TMEM170B: variants seen among roughly 807,000 people sequenced by gnomAD.
TMEM170B encodes the protein transmembrane protein 170B.
In TMEM170B, 6 loss-of-function variants were observed where a neutral mutation model predicts 13.0. That is an observed-to-expected ratio of 0.46 (90% confidence interval 0.25 to 0.91). The LOEUF is 0.91. Among genes scored for constraint, TMEM170B ranks in the 40% least tolerant of loss-of-function variants. TMEM170B has a pLI of 0.17. For missense variants in TMEM170B, 138 were observed against 165.2 expected (o/e 0.84, Z 0.90); for synonymous variants, 61 against 64.9 (o/e 0.94, Z 0.29).
At chr6:11,572,810 C>G (rs1350263729) in intron 2 of TMEM170B, among the ~76,000 whole-genome samples, 1 of 152,064 alleles carries the variant, frequency 6.6e-6, no homozygotes, top group African/African-American at 2.4e-5. Flanking sequence ...CATACATACA[C>G]ACATACATAT....
rs1386555002 is a variant in TMEM170B, at chr6:11,582,456, T to C, written c.*6895T>C. 2.0e-5 allele frequency: 3 copies of C among 152,230 alleles called. No homozygotes were observed. The highest frequency in any genetic ancestry group is 1.3e-4 in the Admixed American group (2 of 15,280). 9.4% of individuals were successfully genotyped at this position (152,230 alleles called of 1,614,324 possible). A position where few individuals can be genotyped will look rare whatever the true frequency, so the allele number is the denominator to read the frequency against. ...ACGAATAGTAGCTACTAACTTCATA[T>C]GGTTCAATGTAAATCAGTTACTTAG... On this transcript the variant is annotated 3_prime_UTR_variant, in exon 3 of 3. Coordinates refer to ENST00000379426, the MANE Select transcript of TMEM170B (RefSeq NM_001100829.3).
At chr6:11,546,012 T>TAAAA (rs35584418) in intron 1 of TMEM170B, among the ~76,000 whole-genome samples, 4 of 95,544 alleles carry the variant, frequency 4.2e-5, no homozygotes, top group Non-Finnish European at 8.0e-5. Context: ...ACTCCGTCTT[T>TAAAA]AAAAAAAAAA....
At position 11,582,851 on chromosome 6, in the gene TMEM170B, T is replaced by G. The variant is rs998204228; in HGVS notation, c.*7290T>G. 1.3e-5 allele frequency: 2 copies of G among 152,228 alleles called. No homozygotes were observed. Among genetic ancestry groups the G allele is most frequent in the Admixed American group, 6.5e-5 (1 of 15,290 alleles). 9.4% of individuals were successfully genotyped at this position (152,228 alleles called of 1,614,324 possible). ...GTTATGTGAACACAATTTCCCCTTCTGTTAAGACTATAAACTATATGAGTA... is the reference window on the plus strand; with the variant it reads ...GTTATGTGAACACAATTTCCCCTTCGGTTAAGACTATAAACTATATGAGTA... On this transcript the variant is annotated 3_prime_UTR_variant, in exon 3 of 3. Transcript: ENST00000379426.
chr6:11,555,089 C>CT (rs1203551118), intron 1 of TMEM170B, among the ~76,000 whole-genome samples: 1 of 151,966 alleles, frequency 6.6e-6, no homozygotes, highest in Non-Finnish European at 1.5e-5. Context: ...ATTCTCTGAG[C>CT]TTTTTTCTTT....
rs375289307 is a variant in TMEM170B at position 11,575,055 on chromosome 6, A to G, written c.269-376A>G. Among the ~76,000 whole-genome samples the G allele has an allele frequency of 2.4e-4, 36 of 152,182 alleles. No individual in the cohort carries two copies. Among genetic ancestry groups the G allele is most frequent in the African/African-American group, 8.4e-4 (35 of 41,548 alleles). On this transcript the variant is annotated intron_variant, in intron 2 of 2. Coordinates refer to ENST00000379426, the MANE Select transcript of TMEM170B (RefSeq NM_001100829.3). The surrounding 1 kb of genome is among the most constrained non-coding windows in gnomAD (Gnocchi z 4.1). ...TTATTTTTCTGCATTATCACTTGTAATTATCAGTATGTTATACTGTATGTT... is the reference window on the plus strand; with the variant it reads ...TTATTTTTCTGCATTATCACTTGTAGTTATCAGTATGTTATACTGTATGTT...
At chr6:11,565,181 A>C (rs1470770441) in intron 1 of TMEM170B, among the ~76,000 whole-genome samples, 3 of 152,218 alleles carry the variant, frequency 2.0e-5, no homozygotes, top group Non-Finnish European at 4.4e-5. Context: ...TACCAAGTTC[A>C]GGGCCACAAG....
At chr6:11,569,618 T>C (rs13204379) in intron 2 of TMEM170B, among the ~76,000 whole-genome samples, 1,914 of 152,272 alleles carry the variant, frequency 0.013, 20 homozygotes, top group Non-Finnish European at 0.017. Context: ...AGTAAAACGT[T>C]ATTTCTATTT....
intron 1 of TMEM170B, among the ~76,000 whole-genome samples, chr6:11,540,935 C>T: frequency 6.6e-6 from 1 of 152,136 alleles, no homozygotes. Context: ...TGACCAGGTA[C>T]ATTGTCATTG....
chr6:11,559,099 T>C (rs1714253722), intron 1 of TMEM170B, among the ~76,000 whole-genome samples: 1 of 152,168 alleles, frequency 6.6e-6, no homozygotes, highest in South Asian at 2.1e-4. Flanking sequence ...ATGAATGAGT[T>C]TGTTCCAATA....
In TMEM170B at chr6:11,565,886, A is replaced by G. The variant is rs1468895529; in HGVS notation, c.268+50A>G. The G allele has an allele frequency of 1.2e-5, 19 of 1,560,538 alleles. 1 individual carries two copies. The highest frequency in any genetic ancestry group is 1.7e-5 in the Admixed American group (1 of 59,828). On this transcript the variant is annotated intron_variant, in intron 2 of 2. Coordinates refer to ENST00000379426, the MANE Select transcript of TMEM170B (RefSeq NM_001100829.3). ...GGATGTAAGTTTGTATACACTTACC[A>G]TTTTGGTAGCTGTGTTCTTATTATA...
intron 1 of TMEM170B, among the ~76,000 whole-genome samples, chr6:11,557,388 A>G (rs1759605242): frequency 6.6e-6 from 1 of 152,256 alleles, no homozygotes; most frequent in Non-Finnish European, 1.5e-5. Context: ...ACAAACCTGA[A>G]ATGAATGCAT....
chr6:11,545,280 C>CTCTCTGTG (rs1442789332), intron 1 of TMEM170B, among the ~76,000 whole-genome samples: 63 of 139,810 alleles, frequency 4.5e-4, no homozygotes, highest in African/African-American at 1.4e-3. Flanking sequence ...CTCTCTCTCT[C>CTCTCTGTG]TGTGTGTGTG....
intron 1 of TMEM170B, among the ~76,000 whole-genome samples, chr6:11,540,660 G>A (rs1159011138): frequency 6.6e-6 from 1 of 152,096 alleles, no homozygotes; most frequent in Non-Finnish European, 1.5e-5. Flanking sequence ...TTGATATTTG[G>A]ACCTCTTCTC....
chr6:11,545,964 A>T (rs1256006336), intron 1 of TMEM170B, among the ~76,000 whole-genome samples: 3 of 143,092 alleles, frequency 2.1e-5, no homozygotes, highest in Non-Finnish European at 4.5e-5. Context: ...GTGAGCCGAG[A>T]TTGCACCAGT....
At chr6:11,565,505 C>T (rs2113777859) in intron 1 of TMEM170B, among the ~76,000 whole-genome samples, 161 bp from the exon 2 acceptor site, 1 of 152,300 alleles carries the variant, frequency 6.6e-6, no homozygotes, top group Non-Finnish European at 1.5e-5. Flanking sequence ...GATGATAAAA[C>T]TTATAATGTA....
At chr6:11,552,891 T>C (rs1175705351) in intron 1 of TMEM170B, among the ~76,000 whole-genome samples, 2 of 152,176 alleles carry the variant, frequency 1.3e-5, no homozygotes, top group Non-Finnish European at 1.5e-5. Context: ...TTTATAAGGC[T>C]GGTCCTGTGT....
intron 2 of TMEM170B, 32 bp downstream of exon 2, chr6:11,565,868 A>G (rs765831399): frequency 1.2e-6 from 2 of 1,608,510 alleles, no homozygotes; most frequent in Non-Finnish European, 1.7e-6. Flanking sequence ...TGAGGATGTA[A>G]GTTTGTATAC....
chr6:11,573,668 G>A (rs774049104), intron 2 of TMEM170B, among the ~76,000 whole-genome samples: 48 of 152,256 alleles, frequency 3.2e-4, no homozygotes, highest in Non-Finnish European at 5.1e-4. Context: ...CCATTTCGCA[G>A]GCAGCCTGAG....
intron 2 of TMEM170B, among the ~76,000 whole-genome samples, chr6:11,572,655 A>G (rs1759820136): frequency 6.6e-6 from 1 of 152,302 alleles, no homozygotes; most frequent in South Asian, 2.1e-4. Context: ...AACTCAAAAC[A>G]TTATAGATAG....
Sources: gnomAD v4.1 joint callset for allele counts (sites outside exome capture counted in the v4.1 genomes callset) on GRCh38, gnomAD v4.1.1 for gene constraint, Gnocchi (gnomAD v3.1) non-coding constraint, MANE v1.5 for transcripts, NCBI Gene and HGNC (gene_info 2026-07-23, HGNC 2026-07-21) for gene names.